Variants in SOX5 observed in about 807,000 individuals in gnomAD.
The protein encoded by SOX5 is transcription factor SOX-5.
SOX5 carries 9 observed loss-of-function variants against 92.0 expected under a neutral mutation model. The observed-to-expected ratio is 0.10, with a 90% CI of 0.06 to 0.17. The LOEUF (loss-of-function observed/expected upper bound fraction) is 0.17, where lower values mean the gene tolerates loss of function less well. SOX5 is among the 10% of genes least tolerant of loss of function. The pLI, the probability that SOX5 is intolerant of heterozygous loss-of-function variation, is 1.00. For synonymous variants in SOX5, 344 were observed against 336.3 expected, an observed-to-expected ratio of 1.02 and a Z score of -0.25; for missense variants, 642 against 944.5, an observed-to-expected ratio of 0.68 and a Z score of 4.20.
intron 3 of SOX5, among the ~76,000 whole-genome samples, chr12:24,237,305 GA>G (rs1156880225): frequency 5.9e-5 from 9 of 152,132 alleles, no homozygotes; most frequent in Non-Finnish European, 8.8e-5. Flanking sequence ...GGGGCACTAG[GA>G]TACTCCAATA....
chr12:23,915,537 C>T (rs924493898), intron 1 of SOX5, among the ~76,000 whole-genome samples: 1 of 152,076 alleles, frequency 6.6e-6, no homozygotes, highest in African/African-American at 2.4e-5. Flanking sequence ...GCATCCTGGG[C>T]CTTCAAATAA....
At chr12:24,352,984 A>T (rs1954283722) in intron 2 of SOX5, among the ~76,000 whole-genome samples, 1 of 152,198 alleles carries the variant, frequency 6.6e-6, no homozygotes, top group Non-Finnish European at 1.5e-5. Flanking sequence ...GGGCTCATGA[A>T]TTTCTCACAT....
At chr12:23,545,481 G>T (rs973277324) in intron 12 of SOX5, among the ~76,000 whole-genome samples, 2 of 152,136 alleles carry the variant, frequency 1.3e-5, no homozygotes, top group African/African-American at 4.8e-5. Context: ...AATGTTCAGA[G>T]ATGATACAGA....
At chr12:24,051,908 T>C (rs1405986785) in intron 4 of SOX5, among the ~76,000 whole-genome samples, 2 of 152,216 alleles carry the variant, frequency 1.3e-5, no homozygotes, top group African/African-American at 2.4e-5. Flanking sequence ...TCCTACCTTT[T>C]TACAGAAGCT....
chr12:23,827,644 C>T (rs1467799189), intron 3 of SOX5, among the ~76,000 whole-genome samples: 3 of 152,278 alleles, frequency 2.0e-5, no homozygotes, highest in African/African-American at 7.2e-5. Context: ...TGTCAGGTAC[C>T]AGACAGTTGC....
At chr12:23,692,439 G>GC (rs1555265036) in intron 6 of SOX5, among the ~76,000 whole-genome samples, 4 of 132,710 alleles carry the variant, frequency 3.0e-5, no homozygotes, top group African/African-American at 5.9e-5. Context: ...TACGCCTCAG[G>GC]AAAAAAAAAA....
At chr12:23,810,359 C>T (rs2095855786) in intron 3 of SOX5, among the ~76,000 whole-genome samples, 2 of 152,052 alleles carry the variant, frequency 1.3e-5, no homozygotes, top group Non-Finnish European at 1.5e-5. Flanking sequence ...CAATACCAGT[C>T]CCCTTTAAAA....
intron 1 of SOX5, among the ~76,000 whole-genome samples, chr12:24,392,132 C>A (rs1329570398): frequency 2.0e-5 from 3 of 152,164 alleles, no homozygotes; most frequent in African/African-American, 7.2e-5. Flanking sequence ...CACATCTTGA[C>A]TTCTCACAAC....
intron 10 of SOX5, among the ~76,000 whole-genome samples, chr12:23,574,509 C>A (rs1426065005): frequency 6.6e-6 from 1 of 152,174 alleles, no homozygotes; most frequent in Non-Finnish European, 1.5e-5. Context: ...CAGATACATT[C>A]TATTGTGACT....
intron 1 of SOX5, among the ~76,000 whole-genome samples, chr12:24,537,660 C>T (rs1355599429): frequency 6.6e-6 from 1 of 152,208 alleles, no homozygotes; most frequent in African/African-American, 2.4e-5. Context: ...ATGCCAGCTA[C>T]TGAGAATAAA....
At chr12:24,371,537 T>A (rs746492470) in intron 1 of SOX5, among the ~76,000 whole-genome samples, 4 of 152,260 alleles carry the variant, frequency 2.6e-5, no homozygotes, top group African/African-American at 9.6e-5. Context: ...GCAAGTCTTA[T>A]ATCAACTTCT....
intron 4 of SOX5, among the ~76,000 whole-genome samples, chr12:24,205,511 C>T (rs1203713987): frequency 3.3e-5 from 5 of 152,114 alleles, no homozygotes; most frequent in Non-Finnish European, 5.9e-5. Flanking sequence ...GGTGATAGAT[C>T]ATGATAAAAG....
At chr12:24,242,562 TCTC>T (rs961968286) in intron 3 of SOX5, among the ~76,000 whole-genome samples, 2 of 152,182 alleles carry the variant, frequency 1.3e-5, no homozygotes, top group Non-Finnish European at 2.9e-5. Flanking sequence ...GAGTTTATTT[TCTC>T]TTCTTAAACT....
At chr12:24,203,438 T>G (rs1462673095) in intron 4 of SOX5, among the ~76,000 whole-genome samples, 1 of 152,220 alleles carries the variant, frequency 6.6e-6, no homozygotes, top group East Asian at 1.9e-4. Context: ...TCACCACCAC[T>G]GGGGTGTTAA....
At chr12:23,864,706 A>G (rs2136537517) in intron 2 of SOX5, among the ~76,000 whole-genome samples, 1 of 152,340 alleles carries the variant, frequency 6.6e-6, no homozygotes, top group African/African-American at 2.4e-5. Context: ...AAGCTGTAGA[A>G]GAAAAGTTGA....
intron 14 of SOX5, among the ~76,000 whole-genome samples, chr12:23,535,610 T>C (rs1591825711): frequency 6.6e-6 from 1 of 152,198 alleles, no homozygotes; most frequent in Non-Finnish European, 1.5e-5. Flanking sequence ...CTGTTGGGCA[T>C]TGTGTTTAGC....
intron 2 of SOX5, among the ~76,000 whole-genome samples, chr12:23,869,109 A>G (rs1019663112): frequency 6.6e-6 from 1 of 152,178 alleles, no homozygotes; most frequent in Non-Finnish European, 1.5e-5. Flanking sequence ...AGGTTGTTAA[A>G]GATTACATGA....
At chr12:24,293,547 G>A (rs1212008948) in intron 2 of SOX5, among the ~76,000 whole-genome samples, 1 of 152,042 alleles carries the variant, frequency 6.6e-6, no homozygotes, top group Non-Finnish European at 1.5e-5. Context: ...CACTGTGAGA[G>A]CAGAATATCA....
chr12:24,007,157 AT>A (rs199506055), intron 4 of SOX5, among the ~76,000 whole-genome samples: 17,635 of 64,150 alleles, frequency 0.27, 4,794 homozygotes, highest in South Asian at 0.35. Context: ...ATATATATAT[AT>A]ATACATTTAT....
Sources: gnomAD v4.1 joint callset for allele counts (sites outside exome capture counted in the v4.1 genomes callset) on GRCh38, gnomAD v4.1.1 for gene constraint, MANE v1.5 for transcripts, NCBI Gene and HGNC (gene_info 2026-07-23, HGNC 2026-07-21) for gene names.